ANK3: variants seen among roughly 807,000 people sequenced by gnomAD.
The protein encoded by ANK3 is ankyrin 3, also known as ankyrin-3.
In ANK3, 57 loss-of-function variants were observed where a neutral mutation model predicts 370.9. The observed-to-expected ratio is 0.15, with a 90% CI of 0.12 to 0.19. ANK3 has a LOEUF of 0.19. ANK3 is among the 10% of genes least tolerant of loss of function. The pLI, the probability that ANK3 is intolerant of heterozygous loss-of-function variation, is 1.00. For missense variants in ANK3, 4,439 were observed against 5,302.1 expected, an observed-to-expected ratio of 0.84 and a Z score of 5.06; for synonymous variants, 1,929 against 1,946.3, an observed-to-expected ratio of 0.99 and a Z score of 0.23.
intron 1 of ANK3, among the ~76,000 whole-genome samples, chr10:60,280,168 A>G (rs1369445817): frequency 6.6e-6 from 1 of 152,092 alleles, no homozygotes; most frequent in East Asian, 1.9e-4. Flanking sequence ...GGCTCAAGTG[A>G]TCCTCAGCCT....
intron 2 of ANK3, among the ~76,000 whole-genome samples, chr10:60,496,951 TG>T (rs2075673807): frequency 6.6e-6 from 1 of 152,170 alleles, no homozygotes; most frequent in African/African-American, 2.4e-5. Context: ...GAAAAGGACT[TG>T]TTGCAGAAAG....
chr10:60,322,385 G>C (rs968518608), intron 1 of ANK3, among the ~76,000 whole-genome samples: 1 of 151,984 alleles, frequency 6.6e-6, no homozygotes, highest in Non-Finnish European at 1.5e-5. Context: ...TTTAAATCAT[G>C]AATGTCTTCA....
intron 1 of ANK3, among the ~76,000 whole-genome samples, chr10:60,289,121 G>C (rs1190995883): frequency 6.6e-6 from 1 of 151,976 alleles, no homozygotes. Context: ...GCTGTGGAAT[G>C]GACAAGAAAG....
chr10:60,170,917 T>C (rs2095771270), intron 21 of ANK3, among the ~76,000 whole-genome samples: 1 of 152,200 alleles, frequency 6.6e-6, no homozygotes, highest in Non-Finnish European at 1.5e-5. Context: ...TTTACATGTC[T>C]CAAGTCTTTT....
At chr10:60,727,357 C>G (rs1423883000) in intron 1 of ANK3, among the ~76,000 whole-genome samples, 2 of 152,088 alleles carry the variant, frequency 1.3e-5, no homozygotes, top group Non-Finnish European at 2.9e-5. Flanking sequence ...AAGCTAGACA[C>G]AAAAATGTAT....
At chr10:60,099,989 A>G (rs1407014385) in intron 28 of ANK3, among the ~76,000 whole-genome samples, 1 of 152,138 alleles carries the variant, frequency 6.6e-6, no homozygotes, top group Non-Finnish European at 1.5e-5. Flanking sequence ...ATTTTGATCC[A>G]CTAATGTTTC....
intron 2 of ANK3, among the ~76,000 whole-genome samples, chr10:60,455,215 T>A (rs959243760): frequency 6.6e-6 from 1 of 152,204 alleles, no homozygotes; most frequent in Non-Finnish European, 1.5e-5. Context: ...AAGGTTGCTT[T>A]TAATTTACTC....
chr10:60,194,594 TAA>T (rs1367290765), intron 16 of ANK3, among the ~76,000 whole-genome samples: 1 of 152,230 alleles, frequency 6.6e-6, no homozygotes, highest in Non-Finnish European at 1.5e-5. Flanking sequence ...TCCTTCCTTT[TAA>T]AGACTAAATA....
chr10:60,452,050 T>C (rs2064620090), intron 2 of ANK3, among the ~76,000 whole-genome samples: 1 of 152,218 alleles, frequency 6.6e-6, no homozygotes, highest in Non-Finnish European at 1.5e-5. Flanking sequence ...CTGGGGGGAA[T>C]AAAATGGAAT....
intron 2 of ANK3, among the ~76,000 whole-genome samples, chr10:60,505,350 T>A (rs2075909718): frequency 6.6e-6 from 1 of 152,048 alleles, no homozygotes; most frequent in African/African-American, 2.4e-5. Context: ...AGAGTTGACA[T>A]TTTACTTGCA....
At chr10:60,710,227 G>A (rs995640262) in intron 1 of ANK3, among the ~76,000 whole-genome samples, 3 of 152,088 alleles carry the variant, frequency 2.0e-5, no homozygotes, top group Admixed American at 6.5e-5. Flanking sequence ...TAGCATCACA[G>A]GGCACTTTAA....
intron 1 of ANK3, among the ~76,000 whole-genome samples, chr10:60,697,074 T>C (rs1007216717): frequency 7.3e-5 from 11 of 150,920 alleles, no homozygotes; most frequent in East Asian, 2.0e-4. Flanking sequence ...ACAAAATCAA[T>C]GTACAAAAAT....
chr10:60,149,285 C>A (rs938052517), intron 23 of ANK3, among the ~76,000 whole-genome samples: 1 of 152,116 alleles, frequency 6.6e-6, no homozygotes, highest in East Asian at 1.9e-4. Flanking sequence ...CCCTGTGCAC[C>A]ACCTTGTCTT....
At chr10:60,240,167 T>TATATACGC (rs1246871282) in intron 7 of ANK3, among the ~76,000 whole-genome samples, 3,258 of 129,000 alleles carry the variant, frequency 0.025, 127 homozygotes, top group African/African-American at 0.1. Context: ...TATATACACA[T>TATATACGC]ATATATACAT....
chr10:60,593,322 A>C (rs2077942596), intron 2 of ANK3, among the ~76,000 whole-genome samples: 1 of 152,170 alleles, frequency 6.6e-6, no homozygotes, highest in Non-Finnish European at 1.5e-5. Context: ...GAAGTAAAGA[A>C]ATTTGTTTTA....
intron 4 of ANK3, among the ~76,000 whole-genome samples, chr10:60,271,178 CT>C (rs1186946127): frequency 6.6e-6 from 1 of 151,738 alleles, no homozygotes; most frequent in East Asian, 1.9e-4. Context: ...AACTATAATT[CT>C]TTTATTATTA....
chr10:60,542,423 C>T (rs375356995), intron 2 of ANK3, among the ~76,000 whole-genome samples: 3 of 151,808 alleles, frequency 2.0e-5, no homozygotes, highest in Non-Finnish European at 4.4e-5. Context: ...GCTGTATTCT[C>T]TTTTATAAGC....
At chr10:60,504,478 CT>C (rs1029104450) in intron 2 of ANK3, among the ~76,000 whole-genome samples, 33 of 152,202 alleles carry the variant, frequency 2.2e-4, no homozygotes, top group Middle Eastern at 3.4e-3. Context: ...TAGGAAAAGG[CT>C]TTTTTCCCCC....
At chr10:60,118,079 C>T (rs2093226648) in intron 25 of ANK3, among the ~76,000 whole-genome samples, 1 of 152,110 alleles carries the variant, frequency 6.6e-6, no homozygotes, top group Admixed American at 6.5e-5. Context: ...GATATCCAAG[C>T]ACATCATACG....
Sources: gnomAD v4.1 joint callset for allele counts (sites outside exome capture counted in the v4.1 genomes callset) on GRCh38, gnomAD v4.1.1 for gene constraint, MANE v1.5 for transcripts, NCBI Gene and HGNC (gene_info 2026-07-23, HGNC 2026-07-21) for gene names.